The following SCHIP1 variants were observed in gnomAD, a reference collection of about 807,000 sequenced individuals.
SCHIP1 encodes schwannomin-interacting protein 1.
In SCHIP1, 8 loss-of-function variants were observed where a neutral mutation model predicts 29.7. The ratio of observed to expected loss-of-function variants is 0.27; its 90% CI spans 0.16 to 0.49. The LOEUF is 0.49. SCHIP1 is among the 20% of genes least tolerant of loss of function. SCHIP1 has a pLI of 0.99. For missense variants in SCHIP1, 193 were observed against 294.6 expected, an observed-to-expected ratio of 0.66 and a Z score of 2.52; for synonymous variants, 76 against 94.9, an observed-to-expected ratio of 0.80 and a Z score of 1.16.
chr3:159,513,732 C>A, the SCHIP1 span, among the ~76,000 whole-genome samples: 1 of 152,150 alleles, frequency 6.6e-6, no homozygotes, highest in Non-Finnish European at 1.5e-5. Context: ...CACAGAAAGC[C>A]TGTTTCCACA....
At chr3:159,406,546 T>C in the SCHIP1 span, among the ~76,000 whole-genome samples, 1 of 152,176 alleles carries the variant, frequency 6.6e-6, no homozygotes, top group South Asian at 2.1e-4. Flanking sequence ...CATCTGAAAG[T>C]ATAAAATGCA....
At chr3:159,673,440 G>A in the SCHIP1 span, among the ~76,000 whole-genome samples, 1 of 152,168 alleles carries the variant, frequency 6.6e-6, no homozygotes, top group Non-Finnish European at 1.5e-5. Context: ...CCATTGCTTT[G>A]GAATGTGTTG....
At chr3:159,348,556 A>G in the SCHIP1 span, among the ~76,000 whole-genome samples, 1 of 152,140 alleles carries the variant, frequency 6.6e-6, no homozygotes, top group African/African-American at 2.4e-5. Context: ...TTAAATTTGC[A>G]TTTCAAAGTA....
the SCHIP1 span, among the ~76,000 whole-genome samples, chr3:159,685,263 T>C: frequency 6.6e-6 from 1 of 152,200 alleles, no homozygotes; most frequent in Non-Finnish European, 1.5e-5. Context: ...CATTTTCCCA[T>C]AGGACTTATT....
the SCHIP1 span, among the ~76,000 whole-genome samples, chr3:159,662,261 C>A: frequency 6.4e-4 from 97 of 152,226 alleles, 3 homozygotes; most frequent in South Asian, 6.8e-3. Context: ...CCTGTTTCTG[C>A]AATAAGAACC....
chr3:159,771,677 G>A, the SCHIP1 span, among the ~76,000 whole-genome samples: 5 of 133,904 alleles, frequency 3.7e-5, no homozygotes, highest in Middle Eastern at 0.011. Context: ...ATATGGTTAG[G>A]TTTTTGTCTT....
At chr3:159,876,513 G>GCT (rs1715828249) in intron 2 of SCHIP1, among the ~76,000 whole-genome samples, 2 of 152,298 alleles carry the variant, frequency 1.3e-5, no homozygotes, top group Non-Finnish European at 2.9e-5. Flanking sequence ...GAGAGTCAGT[G>GCT]CTGCATTAGT....
At chr3:159,869,120 G>A (rs1175022618) in intron 2 of SCHIP1, among the ~76,000 whole-genome samples, 1 of 151,946 alleles carries the variant, frequency 6.6e-6, no homozygotes, top group African/African-American at 2.4e-5. Context: ...ACTTATCGAA[G>A]TTCTTCAGTC....
the SCHIP1 span, among the ~76,000 whole-genome samples, chr3:159,529,958 G>A: frequency 1.3e-5 from 2 of 152,176 alleles, no homozygotes; most frequent in African/African-American, 4.8e-5. Flanking sequence ...AGGCTGAATA[G>A]TATTCTATTC....
chr3:159,509,146 G>T, the SCHIP1 span, among the ~76,000 whole-genome samples: 2 of 152,208 alleles, frequency 1.3e-5, no homozygotes, highest in East Asian at 3.8e-4. Flanking sequence ...ATGAACCTTG[G>T]TGCTCCTGTA....
intron 2 of SCHIP1, among the ~76,000 whole-genome samples, chr3:159,885,601 T>C (rs1355906535): frequency 6.6e-6 from 1 of 152,234 alleles, no homozygotes; most frequent in East Asian, 1.9e-4. Flanking sequence ...GGCTGCACCT[T>C]ACTGCCTGGG....
chr3:159,601,322 C>A, the SCHIP1 span, among the ~76,000 whole-genome samples: 2 of 152,160 alleles, frequency 1.3e-5, no homozygotes, highest in Non-Finnish European at 2.9e-5. Flanking sequence ...ACAACCCCCC[C>A]ATACACTATT....
chr3:159,481,390 T>A, the SCHIP1 span, among the ~76,000 whole-genome samples: 1 of 152,162 alleles, frequency 6.6e-6, no homozygotes, highest in Non-Finnish European at 1.5e-5. Context: ...GTGAATTAAG[T>A]GTTCTGTATT....
chr3:159,374,589 A>C, the SCHIP1 span, among the ~76,000 whole-genome samples: 46 of 152,314 alleles, frequency 3.0e-4, no homozygotes, highest in East Asian at 8.9e-3. Context: ...CAATTCATGC[A>C]CCAAAAATTA....
intron 1 of SCHIP1, among the ~76,000 whole-genome samples, chr3:159,863,778 T>C (rs1466407751): frequency 6.6e-6 from 1 of 152,160 alleles, no homozygotes; most frequent in Non-Finnish European, 1.5e-5. Context: ...ACAGTCCTCT[T>C]TAAACTGTTA....
chr3:159,495,964 C>A, the SCHIP1 span, among the ~76,000 whole-genome samples: 1 of 152,100 alleles, frequency 6.6e-6, no homozygotes, highest in Non-Finnish European at 1.5e-5. Flanking sequence ...TCTACAACTA[C>A]CTGATCTTTG....
chr3:159,474,351 T>C, the SCHIP1 span, among the ~76,000 whole-genome samples: 1 of 152,186 alleles, frequency 6.6e-6, no homozygotes, highest in African/African-American at 2.4e-5. Flanking sequence ...GGACTGTGTC[T>C]GCAAGGTGTG....
At chr3:159,436,282 T>A in the SCHIP1 span, among the ~76,000 whole-genome samples, 1 of 152,156 alleles carries the variant, frequency 6.6e-6, no homozygotes, top group Non-Finnish European at 1.5e-5. Context: ...GGCTTTGCAG[T>A]CAAGCAGAGC....
At chr3:159,637,899 T>C in the SCHIP1 span, among the ~76,000 whole-genome samples, 2 of 152,202 alleles carry the variant, frequency 1.3e-5, no homozygotes, top group Non-Finnish European at 2.9e-5. Flanking sequence ...CTTATGCCCA[T>C]AGAATTAAGA....
Sources: allele counts gnomAD v4.1 joint callset (sites outside exome capture counted in the v4.1 genomes callset), GRCh38; gene constraint gnomAD v4.1.1; transcripts MANE v1.5; gene names NCBI Gene and HGNC (gene_info 2026-07-23, HGNC 2026-07-21).